ATP8A2: variants seen among roughly 807,000 people sequenced by gnomAD.
ATP8A2 encodes the protein ATPase phospholipid transporting 8A2.
In ATP8A2, 100 loss-of-function variants were observed where a neutral mutation model predicts 165.6. The ratio of observed to expected loss-of-function variants is 0.60; its 90% confidence interval spans 0.51 to 0.71. The LOEUF is 0.71. ATP8A2 is among the 30% of genes least tolerant of loss of function. The probability of loss-of-function intolerance (pLI) is 0.00; values close to 1 mark genes in which losing one functional copy is unlikely to be tolerated. For missense variants in ATP8A2, 1,227 were observed against 1,479.5 expected, an observed-to-expected ratio of 0.83 and a Z score of 2.80; for synonymous variants, 543 against 548.8, an observed-to-expected ratio of 0.99 and a Z score of 0.15.
At chr13:25,480,920 G>A (rs985657391) in intron 2 of ATP8A2, among the ~76,000 whole-genome samples, 6 of 152,136 alleles carry the variant, frequency 3.9e-5, no homozygotes, top group African/African-American at 7.2e-5. Flanking sequence ...TCCGGAGGCC[G>A]AGGCTGGTGG....
chr13:25,875,185 T>G (rs1289578099), intron 33 of ATP8A2, among the ~76,000 whole-genome samples: 1 of 152,096 alleles, frequency 6.6e-6, no homozygotes, highest in East Asian at 1.9e-4. Context: ...CACAACAGTG[T>G]GACTTCGGTT....
intron 2 of ATP8A2, among the ~76,000 whole-genome samples, chr13:25,523,579 A>C (rs2037739713): frequency 6.6e-6 from 1 of 152,016 alleles, no homozygotes; most frequent in Non-Finnish European, 1.5e-5. Context: ...CTGTCTCTTT[A>C]TGGTTCAGTC....
At chr13:25,523,059 G>T (rs918399842) in intron 2 of ATP8A2, among the ~76,000 whole-genome samples, 1 of 151,726 alleles carries the variant, frequency 6.6e-6, no homozygotes, top group African/African-American at 2.4e-5. Flanking sequence ...CACAGGTTGT[G>T]GTGAGCTGAG....
intron 30 of ATP8A2, among the ~76,000 whole-genome samples, chr13:25,853,341 G>A (rs1593451351): frequency 1.3e-5 from 2 of 150,268 alleles, no homozygotes; most frequent in East Asian, 3.9e-4. Context: ...GCAGTGAGCT[G>A]AGATTGTGCC....
intron 33 of ATP8A2, among the ~76,000 whole-genome samples, chr13:25,872,500 A>T (rs1952706211): frequency 6.6e-6 from 1 of 152,314 alleles, no homozygotes; most frequent in South Asian, 2.1e-4. Flanking sequence ...CCTACCATGC[A>T]TCTACCAAGT....
chr13:25,657,146 A>ACT (rs2041951465), intron 24 of ATP8A2, among the ~76,000 whole-genome samples: 1 of 151,344 alleles, frequency 6.6e-6, no homozygotes, highest in African/African-American at 2.4e-5. Flanking sequence ...AAAAGCCTAG[A>ACT]CTTAAGACCT....
In ATP8A2 at chr13:25,372,151, C is replaced by T. The variant is rs1199195627; in HGVS notation, c.-62C>T. On this transcript the variant is annotated 5_prime_UTR_variant, in exon 1 of 37. Coordinates refer to ENST00000381655, the MANE Select transcript of ATP8A2 (RefSeq NM_016529.6). This position sits in a 1 kb window ranked among gnomAD's most constrained non-coding sequence, Gnocchi z 4.8. ...TGGTCCTCGGGCGGCGGCCCCTGCG[C>T]CCAGCCCTGCGCGTAGCCTCCGTCT... 3 of 1,235,336 alleles carry T rather than the reference C, an allele frequency of 2.4e-6. No individual in the cohort carries two copies. The highest frequency in any genetic ancestry group is 3.2e-6 in the Non-Finnish European group (3 of 950,874). The allele number at this position is 1,235,336 out of a possible 1,614,324, so 76.5% of individuals were successfully genotyped here.
At chr13:25,793,991 A>G (rs1593356929) in intron 27 of ATP8A2, among the ~76,000 whole-genome samples, 1 of 152,330 alleles carries the variant, frequency 6.6e-6, no homozygotes, top group East Asian at 1.9e-4. Flanking sequence ...GAGCACAGAC[A>G]TGGGGGAGAA....
chr13:25,910,922 CA>C lies in ATP8A2; in HGVS notation c.3183+48516del, dbSNP rs1954087357. 6.4e-5 allele frequency among the ~76,000 whole-genome samples: 9 copies of C among 141,282 alleles called. No individual in the cohort carries two copies. In the South Asian group the frequency reaches 1.8e-3, roughly 28 times the overall value. 92.7% of individuals were successfully genotyped at this position (141,282 alleles called of 152,430 possible). ...AGATTAAATGGATGATTATCCCTCT[CA>C]ATTTTTTTTTTTTTTTTTAAGGAAG... is the stretch of plus-strand genomic sequence containing the variant. On this transcript the variant is annotated intron_variant, in intron 33 of 36. Transcript: ENST00000381655.
At chr13:25,702,379 C>A (rs561451483) in intron 25 of ATP8A2, among the ~76,000 whole-genome samples, 1 of 152,282 alleles carries the variant, frequency 6.6e-6, no homozygotes, top group East Asian at 1.9e-4. Flanking sequence ...TAGAATCAAA[C>A]AATTTGCTAA....
At chr13:25,512,737 ACCC>A (rs1246376046) in intron 2 of ATP8A2, among the ~76,000 whole-genome samples, 1 of 106,564 alleles carries the variant, frequency 9.4e-6, no homozygotes, top group Admixed American at 9.9e-5. Flanking sequence ...CGGGGGGCTG[ACCC>A]CCCCCACCTC....
chr13:25,515,837 A>G (rs1444632894), intron 2 of ATP8A2, among the ~76,000 whole-genome samples: 1 of 152,226 alleles, frequency 6.6e-6, no homozygotes, highest in Non-Finnish European at 1.5e-5. Flanking sequence ...AGACACCTGC[A>G]GGGATGGGTC....
intron 25 of ATP8A2, among the ~76,000 whole-genome samples, chr13:25,767,688 A>C (rs1239087024): frequency 6.6e-6 from 1 of 152,220 alleles, no homozygotes; most frequent in Non-Finnish European, 1.5e-5. Context: ...TGCCATTGCA[A>C]ACCCTTGTGA....
At chr13:25,723,838 C>T (rs991392045) in intron 25 of ATP8A2, among the ~76,000 whole-genome samples, 1 of 151,866 alleles carries the variant, frequency 6.6e-6, no homozygotes, top group African/African-American at 2.4e-5. Flanking sequence ...GGGAGATTAT[C>T]TGAGCAGGCC....
chr13:25,677,161 A>T (rs1385927301), intron 24 of ATP8A2, among the ~76,000 whole-genome samples: 15 of 152,174 alleles, frequency 9.9e-5, no homozygotes, highest in Admixed American at 9.2e-4. Context: ...TCTGCTGCCC[A>T]CTGTGGTCTC....
chr13:25,995,279 A>G (rs1405257282), intron 35 of ATP8A2, among the ~76,000 whole-genome samples: 16 of 151,690 alleles, frequency 1.1e-4, no homozygotes, highest in Admixed American at 1.0e-3. Context: ...AAGAAGCTCA[A>G]TAAAGAGCTT....
chr13:25,517,846 T>C (rs553405288), intron 2 of ATP8A2, among the ~76,000 whole-genome samples: 2 of 152,232 alleles, frequency 1.3e-5, no homozygotes, highest in Admixed American at 6.5e-5. Flanking sequence ...TAGTTTAGCA[T>C]TAATAAAATG....
intron 2 of ATP8A2, among the ~76,000 whole-genome samples, chr13:25,504,817 C>A (rs2036979849): frequency 6.6e-6 from 1 of 150,930 alleles, no homozygotes; most frequent in Non-Finnish European, 1.5e-5. Flanking sequence ...GGAAAGGTCA[C>A]ATGTAATAAT....
intron 27 of ATP8A2, among the ~76,000 whole-genome samples, chr13:25,810,107 C>A (rs1483081537): frequency 6.6e-6 from 1 of 152,190 alleles, no homozygotes; most frequent in African/African-American, 2.4e-5. Flanking sequence ...GCCATAACAG[C>A]TTTCCTTCAG....
Sources: gnomAD v4.1 joint callset for allele counts (sites outside exome capture counted in the v4.1 genomes callset) on GRCh38, gnomAD v4.1.1 for gene constraint, Gnocchi (gnomAD v3.1) non-coding constraint, MANE v1.5 for transcripts, NCBI Gene and HGNC (gene_info 2026-07-23, HGNC 2026-07-21) for gene names.